Variants in MAP4K5 observed in about 807,000 individuals in gnomAD.
MAP4K5 encodes the protein MAPK/ERK kinase kinase kinase 5.
A neutral mutation model predicts 135.6 loss-of-function variants in MAP4K5; 82 were observed. The observed-to-expected ratio is 0.60, with a 90% CI of 0.51 to 0.73. MAP4K5 has a LOEUF of 0.73. Ranked by LOEUF, MAP4K5 falls within the 30% of genes least tolerant of loss-of-function variation. MAP4K5 has a pLI of 0.00. For missense variants in MAP4K5, 907 were observed against 1,010.9 expected (o/e 0.90, Z 1.39); for synonymous variants, 347 against 335.0 (o/e 1.04, Z -0.39).
chr14:50,529,782 A>C (rs1342852040), intron 2 of MAP4K5, among the ~76,000 whole-genome samples: 5 of 152,170 alleles, frequency 3.3e-5, no homozygotes, highest in Non-Finnish European at 5.9e-5. Context: ...CATTACGAAG[A>C]GAGGAAATAG....
intron 1 of MAP4K5, among the ~76,000 whole-genome samples, chr14:50,547,208 A>G (rs2038644673): frequency 6.6e-6 from 1 of 152,268 alleles, no homozygotes; most frequent in Admixed American, 6.5e-5. Flanking sequence ...ATAAACTGCT[A>G]AAAACGAATG....
At chr14:50,518,068 G>C (rs953026425) in intron 2 of MAP4K5, among the ~76,000 whole-genome samples, 1 of 152,032 alleles carries the variant, frequency 6.6e-6, no homozygotes, top group Admixed American at 6.6e-5. Flanking sequence ...AGTTTCAATG[G>C]GGCAGATTTT....
intron 2 of MAP4K5, among the ~76,000 whole-genome samples, chr14:50,522,837 C>T (rs1393192687): frequency 6.6e-6 from 1 of 152,108 alleles, no homozygotes; most frequent in Non-Finnish European, 1.5e-5. Flanking sequence ...ACATCACATA[C>T]ATCTATTTTT....
chr14:50,484,923 G>A (rs1034735104), intron 5 of MAP4K5, among the ~76,000 whole-genome samples: 1 of 152,080 alleles, frequency 6.6e-6, no homozygotes, highest in African/African-American at 2.4e-5. Context: ...TAGCTGCAAT[G>A]GGAGTTTTAC....
chr14:50,537,202 G>A (rs2038504593), upstream of MAP4K5, among the ~76,000 whole-genome samples: 1 of 152,222 alleles, frequency 6.6e-6, no homozygotes, highest in African/African-American at 2.4e-5. Flanking sequence ...GCTGAAAGGG[G>A]CCAACATAGA....
At chr14:50,494,106 C>T (rs1431230139) in intron 3 of MAP4K5, among the ~76,000 whole-genome samples, 1 of 151,864 alleles carries the variant, frequency 6.6e-6, no homozygotes, top group Non-Finnish European at 1.5e-5. Flanking sequence ...AAAGATGACA[C>T]AAATAAGTGG....
chr14:50,465,401 T>G (rs2036809310), intron 11 of MAP4K5, among the ~76,000 whole-genome samples: 1 of 152,208 alleles, frequency 6.6e-6, no homozygotes, highest in South Asian at 2.1e-4. Context: ...GGGGAAGACA[T>G]TACCAGAAAA....
chr14:50,445,046 G>A lies in MAP4K5; in HGVS notation c.1334C>T (p.Ser445Phe), dbSNP rs1204658915. Reference sequence around the variant, plus strand: ...GCTAATAATGCTAGCCATACCAATAGAAGAAGTCTCTGCCACAGGCCCACA... The same window carrying A: ...GCTAATAATGCTAGCCATACCAATAAAAGAAGTCTCTGCCACAGGCCCACA... ...PSCGPVAETSSIGNGDGISKL... is the reference protein window; with the variant it reads ...PSCGPVAETSFIGNGDGISKL... The change falls in exon 18 of 33, where the codon TCT becomes TTT. Residue 445 changes from serine (S) to phenylalanine (F), a missense_variant. Ser to Phe is a radical substitution (Grantham distance 155). Transcript: ENST00000682126. The A allele has an allele frequency of 1.2e-6, 2 of 1,613,090 alleles. No individual in the cohort carries two copies. The highest frequency in any genetic ancestry group is 1.7e-4 in the Middle Eastern group (1 of 6,052).
At chr14:50,431,401 C>G (rs1008512013) in intron 28 of MAP4K5, among the ~76,000 whole-genome samples, 5 of 152,124 alleles carry the variant, frequency 3.3e-5, no homozygotes, top group Non-Finnish European at 4.4e-5. Flanking sequence ...ATCCCTCTCC[C>G]CTTCCCCCAC....
At chr14:50,508,723 AG>A (rs898582043) in intron 2 of MAP4K5, among the ~76,000 whole-genome samples, 6 of 151,882 alleles carry the variant, frequency 4.0e-5, no homozygotes, top group African/African-American at 1.4e-4. Context: ...AAAAAAAAAA[AG>A]GCAACAACAG....
intron 3 of MAP4K5, among the ~76,000 whole-genome samples, chr14:50,502,374 G>T (rs540676655): frequency 6.6e-6 from 1 of 152,250 alleles, no homozygotes; most frequent in Admixed American, 6.5e-5. Flanking sequence ...CTGTAAGACT[G>T]CCAGAGACAA....
intron 12 of MAP4K5, among the ~76,000 whole-genome samples, chr14:50,463,391 G>A (rs575075010): frequency 1.3e-5 from 2 of 152,204 alleles, no homozygotes; most frequent in South Asian, 4.2e-4. Flanking sequence ...CTAAGGCAGG[G>A]GTCAGCAAAC....
At chr14:50,514,946 C>T (rs1443191652) in intron 2 of MAP4K5, among the ~76,000 whole-genome samples, 1 of 151,024 alleles carries the variant, frequency 6.6e-6, no homozygotes, top group Non-Finnish European at 1.5e-5. Context: ...CTCTGTCGCC[C>T]AGGCTGGAGT....
intron 1 of MAP4K5, among the ~76,000 whole-genome samples, chr14:50,547,084 G>T (rs1163656421): frequency 6.6e-6 from 1 of 151,996 alleles, no homozygotes; most frequent in Admixed American, 6.6e-5. Context: ...GAACTTTAAG[G>T]TTTTTACTTA....
intron 3 of MAP4K5, among the ~76,000 whole-genome samples, chr14:50,496,498 TTATA>T (rs1057278642): frequency 7.2e-5 from 11 of 151,924 alleles, no homozygotes; most frequent in Non-Finnish European, 1.6e-4. Flanking sequence ...ACATATATTA[TTATA>T]TATATATTTC....
At chr14:50,548,086 CA>C (rs2038656927) in intron 1 of MAP4K5, among the ~76,000 whole-genome samples, 1 of 152,018 alleles carries the variant, frequency 6.6e-6, no homozygotes. Flanking sequence ...AAGCCAACCC[CA>C]AAAAGATACA....
At chr14:50,437,676 G>A in intron 25 of MAP4K5, 142 bp from the exon 26 acceptor site, 1 of 663,390 alleles carries the variant, frequency 1.5e-6, no homozygotes, top group Non-Finnish European at 2.6e-6. Flanking sequence ...CATCTTATAG[G>A]ACTGAGGAAG....
At chr14:50,425,832 G>A (rs1035573963) in intron 31 of MAP4K5, 75 bp downstream of exon 31, 1 of 1,001,608 alleles carries the variant, frequency 1.0e-6, no homozygotes, top group Non-Finnish European at 1.5e-6. Flanking sequence ...GTTCAGAGAG[G>A]AAATGCATAA....
intron 8 of MAP4K5, among the ~76,000 whole-genome samples, chr14:50,475,840 T>C (rs1428993234): frequency 6.6e-6 from 1 of 152,246 alleles, no homozygotes; most frequent in Non-Finnish European, 1.5e-5. Flanking sequence ...AATAGATTTA[T>C]CACAGTTTAA....
Sources: gnomAD v4.1 joint callset for allele counts (sites outside exome capture counted in the v4.1 genomes callset) on GRCh38, gnomAD v4.1.1 for gene constraint, MANE v1.5 for transcripts, NCBI Gene and HGNC (gene_info 2026-07-23, HGNC 2026-07-21) for gene names.